The following GPSM1 variants were observed in gnomAD, a reference collection of about 807,000 sequenced individuals.
GPSM1 encodes the protein G protein-signaling modulator 1.
GPSM1 carries 48 observed loss-of-function variants against 70.5 expected under a neutral mutation model. That is an observed-to-expected ratio of 0.68 (90% CI 0.54 to 0.87). The LOEUF is 0.87. Ranked by LOEUF, GPSM1 falls within the 40% of genes least tolerant of loss-of-function variation. GPSM1 has a pLI of 0.00. For synonymous variants in GPSM1, 416 were observed against 430.1 expected, an observed-to-expected ratio of 0.97 and a Z score of 0.41; for missense variants, 981 against 972.6, an observed-to-expected ratio of 1.01 and a Z score of -0.11.
At position 136,352,321 on chromosome 9, in the gene GPSM1, G is replaced by A. The variant is rs548905093; in HGVS notation, c.1455+2558G>A. 3.7e-4 allele frequency among the ~76,000 whole-genome samples: 56 copies of A among 151,826 alleles called. 20 individuals carry two copies. Among genetic ancestry groups the A allele is most frequent in the Non-Finnish European group, 6.6e-4 (45 of 67,866 alleles). On this transcript the variant is annotated intron_variant, in intron 11 of 13. Coordinates refer to ENST00000440944, the MANE Select transcript of GPSM1 (RefSeq NM_001145638.3). ...TTGCTGTTGGTGACACCGATGCTGCGCCGTTGCTGTTGGTGACCAACCAGC... is the reference window on the plus strand; with the variant it reads ...TTGCTGTTGGTGACACCGATGCTGCACCGTTGCTGTTGGTGACCAACCAGC...
At position 136,337,517 on chromosome 9, in the gene GPSM1, C is replaced by T. The variant is rs1554769459; in HGVS notation, c.655C>T (p.His219Tyr). 1 of 1,560,862 alleles carries T rather than the reference C, an allele frequency of 6.4e-7. No individual in the cohort carries two copies. ...GGCCTACGGCAACCTGGGCAACACC[C>T]ACTATTTGTTGGGGAACTTCACAGA... ...GRAYGNLGNT[H>Y]YLLGNFTEAT... is the part of the protein sequence containing the mutation. The change falls in exon 5 of 14, where the codon CAC becomes TAC. Residue 219 changes from histidine (H) to tyrosine (Y), a missense_variant. His to Tyr is a moderately conservative substitution (Grantham distance 83). Transcript: ENST00000440944.
chr9:136,358,559 A>C lies in GPSM1; in HGVS notation c.*339A>C. On this transcript the variant is annotated 3_prime_UTR_variant, in exon 14 of 14. Coordinates refer to ENST00000440944, the MANE Select transcript of GPSM1 (RefSeq NM_001145638.3). The stretch of plus-strand genomic sequence containing the variant: ...TCTGCCCTGCCCTGCCAAATGTGAA[A>C]CCCTGCTGTCTCCCCCACCCTCCCC... 2.3e-5 allele frequency: 10 copies of C among 431,046 alleles called. No homozygotes were observed. The highest frequency in any genetic ancestry group is 5.9e-5 in the South Asian group (2 of 33,858). The allele number at this position is 431,046 out of a possible 1,614,324, so 26.7% of individuals were successfully genotyped here.
In GPSM1 at chr9:136,341,552, A is replaced by G; in HGVS notation, c.1207+559A>G. 1.9e-6 allele frequency: 2 copies of G among 1,050,778 alleles called. No individual in the cohort carries two copies. The highest frequency in any genetic ancestry group is 6.9e-5 in the South Asian group (2 of 29,144). 65.1% of individuals were successfully genotyped at this position (1,050,778 alleles called of 1,614,324 possible). On this transcript the variant is annotated intron_variant, in intron 9 of 13. Transcript: ENST00000440944. This position sits in a 1 kb window ranked among gnomAD's most constrained non-coding sequence, Gnocchi z 6.7. Reference sequence around the variant, plus strand: ...CGTCCCCTGCAAAGCGAAAAGACTAATAGGTGCCAGGGGGGTGGTGCCAGG... The same window carrying G: ...CGTCCCCTGCAAAGCGAAAAGACTAGTAGGTGCCAGGGGGGTGGTGCCAGG...
rs1318457278 is a variant in GPSM1, at chr9:136,341,926, T to C, written c.1207+933T>C. The C allele has an allele frequency of 1.4e-5, 5 of 357,244 alleles. No individual in the cohort carries two copies. Among genetic ancestry groups the C allele is most frequent in the Non-Finnish European group, 2.0e-5 (5 of 255,526 alleles). 22.1% of individuals were successfully genotyped at this position (357,244 alleles called of 1,614,324 possible). On this transcript the variant is annotated intron_variant, in intron 9 of 13. Transcript: ENST00000440944. The surrounding 1 kb of genome is among the most constrained non-coding windows in gnomAD (Gnocchi z 6.7). ...TCGGCTTCCAGAAGTGCTGGGATTATAGGCGTGAGCCACCGTGCCCAGCCA... is the reference window on the plus strand; with the variant it reads ...TCGGCTTCCAGAAGTGCTGGGATTACAGGCGTGAGCCACCGTGCCCAGCCA...
chr9:136,356,547 C>A lies in GPSM1; in HGVS notation c.1818C>A (p.Tyr606Ter). 1 of 1,609,184 alleles carries A rather than the reference C, an allele frequency of 6.2e-7. No individual in the cohort carries two copies. The highest frequency in any genetic ancestry group is 8.5e-7 in the Non-Finnish European group (1 of 1,177,556). Residue 606 changes from tyrosine to a stop codon, truncating the protein, a stop_gained, in exon 13 of 14, where the codon TAC becomes TAA. Coordinates refer to ENST00000440944, the MANE Select transcript of GPSM1 (RefSeq NM_001145638.3). LOFTEE classifies it high-confidence loss of function. ...GDDFFNMLIKYQSSRIDDQRC... is the reference protein window; with the variant it reads ...GDDFFNMLIK ...ACTTCTTCAACATGCTCATCAAGTA[C>A]CAGGTGGGCTGCGGCCCTGGGCGGG...
intron 11 of GPSM1, 99 bp downstream of exon 11, chr9:136,349,862 G>A: frequency 8.4e-7 from 1 of 1,190,230 alleles, no homozygotes; most frequent in South Asian, 1.5e-5. Context: ...TCAGGCCCGG[G>A]CACTCCGGGG....
intron 12 of GPSM1, 48 bp downstream of exon 12, chr9:136,355,894 GC>G: frequency 6.7e-7 from 1 of 1,487,986 alleles, no homozygotes; most frequent in Non-Finnish European, 9.2e-7. Flanking sequence ...GTCTGCAGGG[GC>G]CAGGACCAGG....
Position 136,337,571 on chromosome 9 carries a change from C to T in GPSM1, c.702+7C>T, listed in dbSNP as rs375895948. The T allele has an allele frequency of 2.3e-4, 365 of 1,554,882 alleles. 3 individuals are homozygous for T. The highest frequency in any genetic ancestry group is 2.2e-3 in the East Asian group (91 of 41,560). ...CACGACCTTCCACAAGGAGGTGAGC[C>T]GGGCAGGGTGACAGGGTGGAGGGGC... is the stretch of plus-strand genomic sequence containing the variant. On this transcript the variant is annotated splice_region_variant and intron_variant, in intron 5 of 13. Transcript: ENST00000440944.
At chr9:136,337,160 C>T (rs1832261215) in intron 4 of GPSM1, 88 bp downstream of exon 4, 2 of 1,246,432 alleles carry the variant, frequency 1.6e-6, no homozygotes, top group African/African-American at 3.0e-5. Flanking sequence ...GACCCCAGCC[C>T]CATACCTCCC....
chr9:136,358,634 T>A lies in GPSM1; in HGVS notation c.*414T>A. 3.4e-6 allele frequency: 1 copy of A among 291,618 alleles called. No individual in the cohort carries two copies. Among genetic ancestry groups the A allele is most frequent in the East Asian group, 1.2e-4 (1 of 8,566 alleles). 18.1% of individuals were successfully genotyped at this position (291,618 alleles called of 1,614,324 possible). A position where few individuals can be genotyped will look rare whatever the true frequency, so the allele number is the denominator to read the frequency against. ...GGGGCCACCAAGGACAGGGCCATGT[T>A]CTGTCCCCCCAGAGCTGGTCTTGGG... On this transcript the variant is annotated 3_prime_UTR_variant, in exon 14 of 14. Coordinates refer to ENST00000440944, the MANE Select transcript of GPSM1 (RefSeq NM_001145638.3).
At chr9:136,327,979 TG>T (rs1832016600) in intron 1 of GPSM1, among the ~76,000 whole-genome samples, 1 of 70,282 alleles carries the variant, frequency 1.4e-5, no homozygotes, top group Admixed American at 1.1e-4. Context: ...GGGAAGGGGG[TG>T]GGGGGCCGGG....
intron 9 of GPSM1, among the ~76,000 whole-genome samples, chr9:136,347,635 G>A (rs184494965): frequency 2.2e-4 from 34 of 152,328 alleles, no homozygotes; most frequent in Non-Finnish European, 2.6e-4. Flanking sequence ...TCAGGGAAGC[G>A]CCCGCAGACC....
rs2131387291 is a variant in GPSM1 at position 136,327,688 on chromosome 9, C to T, written c.-8C>T. 1.8e-6 allele frequency: 2 copies of T among 1,112,302 alleles called. No homozygotes were observed. Among genetic ancestry groups the T allele is most frequent in the East Asian group, 4.8e-5 (1 of 20,648 alleles). 68.9% of individuals were successfully genotyped at this position (1,112,302 alleles called of 1,614,324 possible). On this transcript the variant is annotated 5_prime_UTR_variant, in exon 1 of 14. Coordinates refer to ENST00000440944, the MANE Select transcript of GPSM1 (RefSeq NM_001145638.3). ...CGCTCCCGGCTCCCGCTCCCGCGTC[C>T]CCGACCCATGGCGGGCCCGGCCCCG...
chr9:136,341,517 C>T lies in GPSM1; in HGVS notation c.1207+524C>T, dbSNP rs1225787867. 1 of 1,171,696 alleles carries T rather than the reference C, an allele frequency of 8.5e-7. No individual in the cohort carries two copies. The highest frequency in any genetic ancestry group is 1.6e-5 in the African/African-American group (1 of 62,008). 72.6% of individuals were successfully genotyped at this position (1,171,696 alleles called of 1,614,324 possible). On this transcript the variant is annotated intron_variant, in intron 9 of 13. Coordinates refer to ENST00000440944, the MANE Select transcript of GPSM1 (RefSeq NM_001145638.3). This position sits in a 1 kb window ranked among gnomAD's most constrained non-coding sequence, Gnocchi z 6.7. ...ATGCCGGTCAGCAGTGCTGCAGACACAGGACAGAACGTCCCCTGCAAAGCG... is the reference window on the plus strand; with the variant it reads ...ATGCCGGTCAGCAGTGCTGCAGACATAGGACAGAACGTCCCCTGCAAAGCG...
chr9:136,349,690 C>G lies in GPSM1; in HGVS notation c.1382C>G (p.Ala461Gly). ...AGGAAGTACCAGGAAGGCCCGGACGCTGAGAGGAGGCCCCGGGAGGGCAGC... is the reference window on the plus strand; with the variant it reads ...AGGAAGTACCAGGAAGGCCCGGACGGTGAGAGGAGGCCCCGGGAGGGCAGC... ...RSRKYQEGPD[A>G]ERRPREGSHS... The change falls in exon 11 of 14, where the codon GCT (alanine) becomes GGT (glycine). Residue 461 changes from alanine to glycine, a missense_variant. Physicochemically the swap from Ala to Gly is moderately conservative, Grantham distance 60. Coordinates refer to ENST00000440944, the MANE Select transcript of GPSM1 (RefSeq NM_001145638.3). 1 of 1,561,864 alleles carries G rather than the reference C, an allele frequency of 6.4e-7. No homozygotes were observed. Among genetic ancestry groups the G allele is most frequent in the Non-Finnish European group, 8.7e-7 (1 of 1,153,444 alleles).
chr9:136,339,843 C>T (rs1465677776), intron 8 of GPSM1, 28 bp downstream of exon 8: 65 of 1,391,748 alleles, frequency 4.7e-5, no homozygotes, highest in Non-Finnish European at 5.8e-5. Context: ...CCAGAAGTCC[C>T]GGGCACTGCC....
intron 11 of GPSM1, among the ~76,000 whole-genome samples, chr9:136,351,151 G>C (rs1396689167): frequency 6.6e-6 from 1 of 152,176 alleles, no homozygotes; most frequent in Non-Finnish European, 1.5e-5. Context: ...GCAGCCCCCC[G>C]AGGCTGCCCA....
intron 2 of GPSM1, 69 bp from the exon 3 acceptor site, chr9:136,335,897 C>T: frequency 6.6e-7 from 1 of 1,517,112 alleles, no homozygotes; most frequent in South Asian, 1.2e-5. Flanking sequence ...ACCCCATGCT[C>T]AGCCTCCCCC....
chr9:136,341,762 A>G lies in GPSM1; in HGVS notation c.1207+769A>G, dbSNP rs1386580157. The G allele has an allele frequency of 1.0e-5, 10 of 985,830 alleles. No homozygotes were observed. Among genetic ancestry groups the G allele is most frequent in the Non-Finnish European group, 1.2e-5 (10 of 830,332 alleles). 61.1% of individuals were successfully genotyped at this position (985,830 alleles called of 1,614,324 possible). On this transcript the variant is annotated intron_variant, in intron 9 of 13. Transcript: ENST00000440944. This position sits in a 1 kb window ranked among gnomAD's most constrained non-coding sequence, Gnocchi z 6.7. Reference sequence around the variant, plus strand: ...TGCTAAGGACCAGGCTGGGAACACCAGGCTTGGATGTGGTGCTGGGCTGCC... The same window carrying G: ...TGCTAAGGACCAGGCTGGGAACACCGGGCTTGGATGTGGTGCTGGGCTGCC...
Sources: allele counts gnomAD v4.1 joint callset (sites outside exome capture counted in the v4.1 genomes callset), GRCh38; gene constraint gnomAD v4.1.1; non-coding constraint Gnocchi (gnomAD v3.1); transcripts MANE v1.5; gene names NCBI Gene and HGNC (gene_info 2026-07-23, HGNC 2026-07-21).